The following RNF38 variants were observed in gnomAD, a reference collection of about 807,000 sequenced individuals.
The protein encoded by RNF38 is ring finger protein 38, also known as E3 ubiquitin-protein ligase RNF38.
A neutral mutation model predicts 67.2 loss-of-function variants in RNF38; 15 were observed. The ratio of observed to expected loss-of-function variants is 0.22; its 90% confidence interval spans 0.15 to 0.34. RNF38 has a LOEUF of 0.34. Ranked by LOEUF, RNF38 falls within the 10% of genes least tolerant of loss-of-function variation. The pLI is 1.00. For missense variants in RNF38, 524 were observed against 639.9 expected (o/e 0.82, Z 1.95); for synonymous variants, 220 against 218.8 (o/e 1.01, Z -0.05).
intron 1 of RNF38, among the ~76,000 whole-genome samples, chr9:36,462,349 T>A (rs1396879757): frequency 2.0e-5 from 3 of 152,100 alleles, no homozygotes; most frequent in East Asian, 3.9e-4. Context: ...CGTAACAGCC[T>A]CCAACTGCTT....
At chr9:36,375,175 C>A (rs1045205406) in intron 3 of RNF38, among the ~76,000 whole-genome samples, 1 of 152,152 alleles carries the variant, frequency 6.6e-6, no homozygotes, top group East Asian at 1.9e-4. Context: ...TTTCATACCA[C>A]GGGCTCCACA....
intron 9 of RNF38, 57 bp from the exon 10 acceptor site, chr9:36,345,010 CTTT>C (rs112159514): frequency 7.8e-7 from 1 of 1,284,666 alleles, no homozygotes; most frequent in Non-Finnish European, 1.1e-6. Context: ...CATTCCAATA[CTTT>C]TTTTTTTTAA....
intron 11 of RNF38, among the ~76,000 whole-genome samples, chr9:36,341,761 A>G (rs1832848479): frequency 1.3e-5 from 1 of 78,942 alleles, no homozygotes; most frequent in East Asian, 3.5e-4. Context: ...GCTGCACTCC[A>G]GACTGGGTGA....
rs35212434 is a variant in RNF38 at position 36,338,914 on chromosome 9, TA to T, written c.*837del. 6.6e-6 allele frequency: 1 copy of T among 152,596 alleles called. No homozygotes were observed. Among genetic ancestry groups the T allele is most frequent in the Non-Finnish European group, 1.5e-5 (1 of 68,030 alleles). The allele number at this position is 152,596 out of a possible 1,614,324, so 9.5% of individuals were successfully genotyped here. ...TTTTGGAAACAGCAAGTTGGAGATTTAAAAATTTCCACAACAGAATAAAAAA... is the reference window on the plus strand; with the variant it reads ...TTTTGGAAACAGCAAGTTGGAGATTTAAAATTTCCACAACAGAATAAAAAA... On this transcript the variant is annotated 3_prime_UTR_variant, in exon 12 of 12. Coordinates refer to ENST00000259605, the MANE Select transcript of RNF38 (RefSeq NM_022781.5).
At chr9:36,482,877 T>G (rs1344651175) in intron 1 of RNF38, among the ~76,000 whole-genome samples, 1 of 152,206 alleles carries the variant, frequency 6.6e-6, no homozygotes, top group African/African-American at 2.4e-5. Context: ...TAGTTACAGC[T>G]GGACTGACAG....
At chr9:36,413,050 C>A (rs1445741727) in intron 2 of RNF38, among the ~76,000 whole-genome samples, 1 of 151,472 alleles carries the variant, frequency 6.6e-6, no homozygotes, top group Non-Finnish European at 1.5e-5. Context: ...CTAGCCTGGA[C>A]AACAAGAGCG....
intron 1 of RNF38, among the ~76,000 whole-genome samples, chr9:36,478,160 C>A (rs902724083): frequency 1.3e-5 from 2 of 151,928 alleles, no homozygotes. Context: ...TATTACCAGG[C>A]GTGGTAGCTC....
intron 1 of RNF38, among the ~76,000 whole-genome samples, chr9:36,463,082 C>A (rs1839773020): frequency 6.6e-6 from 1 of 152,016 alleles, no homozygotes; most frequent in African/African-American, 2.4e-5. Context: ...TTAAATAGCA[C>A]CTGCTTTCAT....
intron 6 of RNF38, 113 bp downstream of exon 6, chr9:36,356,190 G>T: frequency 1.0e-6 from 1 of 976,302 alleles, no homozygotes; most frequent in Non-Finnish European, 1.5e-6. Flanking sequence ...AGTAACTTAG[G>T]CATTCGTCTG....
intron 10 of RNF38, among the ~76,000 whole-genome samples, chr9:36,342,886 CAAG>C (rs1170490421): frequency 1.3e-5 from 2 of 152,036 alleles, no homozygotes; most frequent in African/African-American, 4.8e-5. Context: ...CAAGAATTAA[CAAG>C]AAAAAAAGAA....
chr9:36,483,204 G>T (rs1053393719), intron 1 of RNF38, among the ~76,000 whole-genome samples: 1 of 152,060 alleles, frequency 6.6e-6, no homozygotes, highest in Non-Finnish European at 1.5e-5. Context: ...TGGCCAACAT[G>T]GTGAAACCCC....
intron 1 of RNF38, among the ~76,000 whole-genome samples, chr9:36,468,691 A>T (rs1324329867): frequency 1.3e-5 from 2 of 152,088 alleles, no homozygotes; most frequent in Non-Finnish European, 2.9e-5. Context: ...GGGTGCCTGT[A>T]ATCCCAGCTA....
intron 4 of RNF38, among the ~76,000 whole-genome samples, chr9:36,362,883 C>T (rs1443388939): frequency 2.7e-5 from 4 of 147,510 alleles, no homozygotes; most frequent in African/African-American, 7.4e-5. Flanking sequence ...CTGTCCGCCT[C>T]GGCCTCCCAA....
At chr9:36,346,178 C>A (rs1438035841) in intron 9 of RNF38, among the ~76,000 whole-genome samples, 3 of 152,106 alleles carry the variant, frequency 2.0e-5, no homozygotes, top group African/African-American at 4.8e-5. Context: ...TGAACTTTAA[C>A]ATATTTGATG....
rs138330479 is a variant in RNF38, at chr9:36,433,916, T to TGGC, written n.242-9236_242-9234dup. On this transcript the variant is annotated intron_variant and non_coding_transcript_variant, in intron 1 of 3. Coordinates refer to the RNF38 transcript ENST00000488058. ...AGTACATCTTCTAAAACGAGTAATT[T>TGGC]GGCAGTTAACTGACTCAGTGAAAAA... is the stretch of plus-strand genomic sequence containing the variant. Among the ~76,000 whole-genome samples, 409 of 152,042 alleles carry TGGC rather than the reference T, an allele frequency of 2.7e-3. 3 individuals are homozygous for TGGC. The highest frequency in any genetic ancestry group is 9.2e-3 in the African/African-American group (383 of 41,480).
chr9:36,462,548 T>C (rs1839757823), intron 1 of RNF38, among the ~76,000 whole-genome samples: 1 of 152,170 alleles, frequency 6.6e-6, no homozygotes. Flanking sequence ...AACACTCCTG[T>C]TCATGGAATA....
At chr9:36,419,493 T>C (rs145920501) in intron 2 of RNF38, among the ~76,000 whole-genome samples, 4 of 152,322 alleles carry the variant, frequency 2.6e-5, no homozygotes, top group African/African-American at 4.8e-5. Flanking sequence ...TCTGAAAAAA[T>C]ATATAATTGA....
chr9:36,430,166 G>T (rs1838896865), intron 1 of RNF38, among the ~76,000 whole-genome samples: 1 of 152,022 alleles, frequency 6.6e-6, no homozygotes, highest in South Asian at 2.1e-4. Flanking sequence ...CTCCTAAAGA[G>T]AAGGTGTAAT....
chr9:36,422,649 C>A (rs1838661912), intron 2 of RNF38, among the ~76,000 whole-genome samples: 1 of 152,178 alleles, frequency 6.6e-6, no homozygotes, highest in African/African-American at 2.4e-5. Context: ...AATCCATTTT[C>A]TCCATTTCCA....
Sources: gnomAD v4.1 joint callset for allele counts (sites outside exome capture counted in the v4.1 genomes callset) on GRCh38, gnomAD v4.1.1 for gene constraint, MANE v1.5 for transcripts, NCBI Gene and HGNC (gene_info 2026-07-23, HGNC 2026-07-21) for gene names.